Variants in DNER observed in about 807,000 individuals in gnomAD.
The protein encoded by DNER is delta and Notch-like epidermal growth factor-related receptor.
DNER carries 33 observed loss-of-function variants against 78.2 expected under a neutral mutation model. The ratio of observed to expected loss-of-function variants is 0.42; its 90% CI spans 0.32 to 0.56. The LOEUF (loss-of-function observed/expected upper bound fraction) is 0.56, where lower values mean the gene tolerates loss of function less well. DNER is among the 20% of genes least tolerant of loss of function. DNER has a pLI of 0.11. For missense variants in DNER, 918 were observed against 975.3 expected (o/e 0.94, Z 0.78); for synonymous variants, 417 against 384.8 (o/e 1.08, Z -0.98).
chr2:229,425,231 A>C (rs1693847339), intron 8 of DNER, among the ~76,000 whole-genome samples: 1 of 152,128 alleles, frequency 6.6e-6, no homozygotes. Context: ...AGCAAATGAG[A>C]TAGAGCGGAG....
chr2:229,468,072 G>C (rs911425236), intron 7 of DNER, among the ~76,000 whole-genome samples: 1 of 152,214 alleles, frequency 6.6e-6, no homozygotes, highest in Non-Finnish European at 1.5e-5. Context: ...AACCGCCTTT[G>C]CAGAATGATA....
chr2:229,655,249 C>A (rs1698893990), intron 1 of DNER, among the ~76,000 whole-genome samples: 1 of 151,114 alleles, frequency 6.6e-6, no homozygotes, highest in Admixed American at 6.6e-5. Context: ...ATAAAATATA[C>A]AAATATATAA....
intron 6 of DNER, among the ~76,000 whole-genome samples, chr2:229,477,565 G>T (rs77151342): frequency 0.12 from 18,908 of 152,146 alleles, 1,292 homozygotes; most frequent in South Asian, 0.2. Flanking sequence ...TGAGACTGAG[G>T]ATCACGTTGG....
Position 229,560,730 on chromosome 2 carries a change from C to G in DNER, c.848-13638G>C, listed in dbSNP as rs73998273. Among the ~76,000 whole-genome samples the G allele has an allele frequency of 3.6e-3, 543 of 152,172 alleles. 3 individuals carry two copies. Among genetic ancestry groups the G allele is most frequent in the African/African-American group, 0.013 (526 of 41,500 alleles). On this transcript the variant is annotated intron_variant, in intron 4 of 12. Coordinates refer to ENST00000341772, the MANE Select transcript of DNER (RefSeq NM_139072.4). ...TGTCGGGCCAGGTGCAAAAATTGCT[C>G]GATGCTGAGAGCAAACTTGAGCCAG... is the stretch of plus-strand genomic sequence containing the variant.
intron 9 of DNER, among the ~76,000 whole-genome samples, chr2:229,408,558 T>C (rs1693440406): frequency 6.6e-6 from 1 of 152,160 alleles, no homozygotes; most frequent in South Asian, 2.1e-4. Context: ...AAGCAAATAG[T>C]AACTGAATGG....
At chr2:229,691,357 C>T (rs1042876693) in intron 1 of DNER, among the ~76,000 whole-genome samples, 1 of 151,948 alleles carries the variant, frequency 6.6e-6, no homozygotes, top group Non-Finnish European at 1.5e-5. Context: ...TCTACCACAT[C>T]GCAGCTCTGG....
chr2:229,513,530 C>T (rs537930109), intron 5 of DNER, among the ~76,000 whole-genome samples: 2 of 152,112 alleles, frequency 1.3e-5, no homozygotes, highest in African/African-American at 4.8e-5. Flanking sequence ...AGTAAAAGAC[C>T]ATAACTCAGA....
intron 11 of DNER, among the ~76,000 whole-genome samples, chr2:229,384,732 A>G (rs1692823018): frequency 6.6e-6 from 1 of 152,212 alleles, no homozygotes; most frequent in South Asian, 2.1e-4. Flanking sequence ...ATCCCTGAAT[A>G]GACCAATAAG....
intron 12 of DNER, among the ~76,000 whole-genome samples, chr2:229,366,345 C>CT (rs1166296005): frequency 5.3e-5 from 8 of 152,166 alleles, no homozygotes; most frequent in African/African-American, 1.7e-4. Flanking sequence ...AGACTCAAAG[C>CT]TATACCTCAC....
chr2:229,481,687 A>G (rs192854821), intron 6 of DNER, among the ~76,000 whole-genome samples: 1 of 152,214 alleles, frequency 6.6e-6, no homozygotes, highest in African/African-American at 2.4e-5. Flanking sequence ...TCTTTCTTCC[A>G]TCCTGCTAAA....
intron 6 of DNER, among the ~76,000 whole-genome samples, chr2:229,494,559 T>G (rs1390536509): frequency 6.6e-6 from 1 of 152,212 alleles, no homozygotes; most frequent in African/African-American, 2.4e-5. Flanking sequence ...GGTGTGGCAG[T>G]GTCACCCCAC....
chr2:229,452,791 C>A (rs1409604907), intron 7 of DNER, among the ~76,000 whole-genome samples: 1 of 152,202 alleles, frequency 6.6e-6, no homozygotes, highest in East Asian at 1.9e-4. Context: ...CCACGCCCAG[C>A]TAATTTTTGT....
At chr2:229,495,122 A>C (rs1404430158) in intron 6 of DNER, among the ~76,000 whole-genome samples, 1 of 152,164 alleles carries the variant, frequency 6.6e-6, no homozygotes, top group African/African-American at 2.4e-5. Flanking sequence ...TTTTCAATGC[A>C]TCTCTCTCCT....
At chr2:229,627,156 C>T (rs1162755169) in intron 1 of DNER, among the ~76,000 whole-genome samples, 2 of 152,176 alleles carry the variant, frequency 1.3e-5, no homozygotes, top group African/African-American at 4.8e-5. Context: ...CCACCAGAAA[C>T]AATATCTAGT....
chr2:229,456,152 G>A (rs944615110), intron 7 of DNER, among the ~76,000 whole-genome samples: 3 of 152,140 alleles, frequency 2.0e-5, no homozygotes, highest in South Asian at 2.1e-4. Flanking sequence ...TCTAGTGAGG[G>A]CCGCATGGAG....
rs1698599312 is a variant in DNER at position 229,640,536 on chromosome 2, T to C, written c.277-48648A>G. Among the ~76,000 whole-genome samples the C allele has an allele frequency of 2.6e-5, 4 of 152,026 alleles. No homozygotes were observed. In the South Asian group the frequency reaches 8.3e-4, roughly 32 times the overall value. On this transcript the variant is annotated intron_variant, in intron 1 of 12. Transcript: ENST00000341772. ...TATTCAAAATATCTGTGATAATTCC[T>C]GGAATCAAAAAATATTTCAAATCAG...
intron 1 of DNER, among the ~76,000 whole-genome samples, chr2:229,642,427 A>G (rs1043533269): frequency 6.6e-6 from 1 of 152,228 alleles, no homozygotes; most frequent in Admixed American, 6.5e-5. Context: ...TGAAAATACT[A>G]TGGGAAAAAA....
At chr2:229,664,154 T>C (rs1699052771) in intron 1 of DNER, among the ~76,000 whole-genome samples, 1 of 152,242 alleles carries the variant, frequency 6.6e-6, no homozygotes, top group Non-Finnish European at 1.5e-5. Flanking sequence ...TTTGCCTTTT[T>C]TCAGTTACAA....
At chr2:229,393,461 T>A (rs915806954) in intron 10 of DNER, among the ~76,000 whole-genome samples, 2 of 151,294 alleles carry the variant, frequency 1.3e-5, no homozygotes, top group African/African-American at 4.9e-5. Context: ...AAATAGTAGA[T>A]TAGACACTGC....
Sources: allele counts gnomAD v4.1 joint callset (sites outside exome capture counted in the v4.1 genomes callset), GRCh38; gene constraint gnomAD v4.1.1; transcripts MANE v1.5; gene names NCBI Gene and HGNC (gene_info 2026-07-23, HGNC 2026-07-21).